SH2B1: variants seen among roughly 807,000 people sequenced by gnomAD.
SH2B1 encodes the protein SH2B adapter protein 1.
Under a neutral mutation model 62.6 loss-of-function variants are expected in SH2B1, and 15 were observed. That is an observed-to-expected ratio of 0.24 (90% confidence interval 0.16 to 0.37). SH2B1 has a LOEUF of 0.37. Among genes scored for constraint, SH2B1 ranks in the 10% least tolerant of loss-of-function variants. The pLI is 1.00. For missense variants in SH2B1, 925 were observed against 1,015.6 expected, an observed-to-expected ratio of 0.91 and a Z score of 1.21; for synonymous variants, 443 against 438.0, an observed-to-expected ratio of 1.01 and a Z score of -0.14.
At chr16:28,859,138 T>C (rs993333429), upstream of SH2B1, among the ~76,000 whole-genome samples, 2 of 151,922 alleles carry the variant, frequency 1.3e-5, no homozygotes, top group African/African-American at 4.8e-5. Flanking sequence ...GAGATGGGGT[T>C]TCACCATGTT....
chr16:28,873,489 C>CT lies in SH2B1; in HGVS notation c.1942dup (p.Ser648PhefsTer50), dbSNP rs1567472990. 1 of 1,583,202 alleles carries CT rather than the reference C, an allele frequency of 6.3e-7. No individual in the cohort carries two copies. ...GACCCACCCCAGCCCCCTGAACCCC[C>CT]TTCATGGACAGATCCCCCACAGCCT... On this transcript the variant is annotated frameshift_variant, in exon 8 of 8. Coordinates refer to ENST00000684370, the MANE Select transcript of SH2B1 (RefSeq NM_001387430.1). LOFTEE classifies it high-confidence loss of function. This position sits in a 1 kb window ranked among gnomAD's most constrained non-coding sequence, Gnocchi z 4.2.
chr16:28,852,907 TAC>T lies in SH2B1; in HGVS notation c.-301+6082_-301+6083del, dbSNP rs1219761157. ...ATATATTTACATATATTTTTATATA[TAC>T]ATGTACATATATATATTTTTATATA... On this transcript the variant is annotated intron_variant, in intron 1 of 10. Transcript: ENST00000322610. Among the ~76,000 whole-genome samples the T allele has an allele frequency of 1.4e-4, 9 of 63,840 alleles. No homozygotes were observed. In the East Asian group the frequency reaches 1.7e-3, roughly 12 times the overall value. 41.9% of individuals were successfully genotyped at this position (63,840 alleles called of 152,430 possible).
At chr16:28,852,066 C>CA (rs1169956598) in intron 1 of SH2B1, among the ~76,000 whole-genome samples, 1 of 128,720 alleles carries the variant, frequency 7.8e-6, no homozygotes, top group Non-Finnish European at 1.6e-5. Flanking sequence ...GACTCTGTCT[C>CA]AAAAAAAAGA....
Position 28,865,607 on chromosome 16 carries a change from GA to G in SH2B1, c.-485del, listed in dbSNP as rs1009823845. 1.3e-5 allele frequency: 13 copies of G among 986,714 alleles called. No homozygotes were observed. Among genetic ancestry groups the G allele is most frequent in the Non-Finnish European group, 1.6e-5 (13 of 830,980 alleles). 61.1% of individuals were successfully genotyped at this position (986,714 alleles called of 1,614,324 possible). On this transcript the variant is annotated 5_prime_UTR_variant, in exon 1 of 8. Coordinates refer to ENST00000684370, the MANE Select transcript of SH2B1 (RefSeq NM_001387430.1). ...TTCCTCATCTGTTCGAGAGGTCTTT[GA>G]AACCTCTCAGGGAAAGGTAAGATAA...
intron 2 of SH2B1, among the ~76,000 whole-genome samples, chr16:28,868,521 A>AT (rs1327468259): frequency 6.7e-6 from 1 of 148,748 alleles, no homozygotes; most frequent in African/African-American, 2.5e-5. Context: ...TTGAAGTGGC[A>AT]TGATCTTGGC....
At position 28,872,049 on chromosome 16, in the gene SH2B1, G is replaced by C. The variant is rs996713513; in HGVS notation, c.1513+66G>C. ...CCTACCTTCCTGACCACCTCTCCTG[G>C]GATCCCGAGGGAGCTGGCCCAGGGG... On this transcript the variant is annotated intron_variant, in intron 5 of 7. Transcript: ENST00000684370. The surrounding 1 kb of genome is among the most constrained non-coding windows in gnomAD (Gnocchi z 5.3). 7.5e-7 allele frequency: 1 copy of C among 1,336,914 alleles called. No homozygotes were observed. Among genetic ancestry groups the C allele is most frequent in the African/African-American group, 1.4e-5 (1 of 68,984 alleles). 82.8% of individuals were successfully genotyped at this position (1,336,914 alleles called of 1,614,324 possible). A position where few individuals can be genotyped will look rare whatever the true frequency, so the allele number is the denominator to read the frequency against.
At chr16:28,856,696 CCTTCACT>C (rs56403807) in intron 1 of SH2B1, among the ~76,000 whole-genome samples, 22,637 of 151,900 alleles carry the variant, frequency 0.15, 2,191 homozygotes, top group South Asian at 0.32. Flanking sequence ...TCAAGGGCAT[CCTTCACT>C]CTTCACTCTT....
Position 28,852,216 on chromosome 16 carries a change from A to T in SH2B1, c.-301+5389A>T, listed in dbSNP as rs74774603. ...TTTATTTATATATTTACATATATAT[A>T]TTTACATATATATTTACATATATAT... is the stretch of plus-strand genomic sequence containing the variant. On this transcript the variant is annotated intron_variant, in intron 1 of 10. Coordinates refer to the SH2B1 transcript ENST00000322610. 1.9e-3 allele frequency among the ~76,000 whole-genome samples: 132 copies of T among 71,346 alleles called. 17 individuals carry two copies. The highest frequency in any genetic ancestry group is 9.7e-3 in the African/African-American group (126 of 12,938). 46.8% of individuals were successfully genotyped at this position (71,346 alleles called of 152,430 possible). A position where few individuals can be genotyped will look rare whatever the true frequency, so the allele number is the denominator to read the frequency against.
intron 1 of SH2B1, 78 bp downstream of exon 1, chr16:28,867,111 C>T: frequency 6.3e-7 from 1 of 1,578,434 alleles, no homozygotes; most frequent in East Asian, 2.2e-5. Flanking sequence ...CAGATAAGCT[C>T]TGGGGTTTAC....
chr16:28,870,107 C>T (rs1348588833), intron 4 of SH2B1, among the ~76,000 whole-genome samples: 3 of 152,184 alleles, frequency 2.0e-5, no homozygotes, highest in Admixed American at 6.5e-5. Context: ...TGTCTGTGCA[C>T]CACACGCCTG....
chr16:28,868,114 C>G (rs1381214658), intron 2 of SH2B1, among the ~76,000 whole-genome samples: 1 of 152,180 alleles, frequency 6.6e-6, no homozygotes, highest in Non-Finnish European at 1.5e-5. Flanking sequence ...GCGTGAGCCA[C>G]TGTGCCTGGC....
At chr16:28,850,189 G>A (rs1962064514) in intron 1 of SH2B1, among the ~76,000 whole-genome samples, 1 of 152,148 alleles carries the variant, frequency 6.6e-6, no homozygotes, top group Admixed American at 6.6e-5. Context: ...GAATTGTGGG[G>A]CAAACTGGAG....
rs943233015 is a variant in SH2B1 at position 28,865,153 on chromosome 16, C to T, written c.-942C>T. 2 of 985,522 alleles carry T rather than the reference C, an allele frequency of 2.0e-6. No homozygotes were observed. The highest frequency in any genetic ancestry group is 3.5e-5 in the African/African-American group (2 of 57,246). 61.0% of individuals were successfully genotyped at this position (985,522 alleles called of 1,614,324 possible). A position where few individuals can be genotyped will look rare whatever the true frequency, so the allele number is the denominator to read the frequency against. On this transcript the variant is annotated 5_prime_UTR_variant, in exon 1 of 8. Transcript: ENST00000684370. ...TGAAAAATCCTAGGGCCCCAGCTCT[C>T]CCTGTGATGTTTTGTTTACGTGAGG...
intron 2 of SH2B1, among the ~76,000 whole-genome samples, chr16:28,868,651 T>A (rs1596626857): frequency 6.6e-6 from 1 of 152,182 alleles, no homozygotes; most frequent in East Asian, 1.9e-4. Context: ...AGAGACAGGG[T>A]TTCACCACAT....
At chr16:28,869,973 T>C (rs1052383542) in intron 4 of SH2B1, among the ~76,000 whole-genome samples, 3 of 152,224 alleles carry the variant, frequency 2.0e-5, no homozygotes, top group African/African-American at 7.2e-5. Flanking sequence ...ACATGAATCA[T>C]GGAATCTTAG....
chr16:28,854,001 C>CAAA (rs59760541), intron 1 of SH2B1, among the ~76,000 whole-genome samples: 7 of 45,998 alleles, frequency 1.5e-4, no homozygotes, highest in South Asian at 1.3e-3. Context: ...GACTAGGTCT[C>CAAA]AAAAAAAAAA....
Position 28,866,388 on chromosome 16 carries a change from T to C in SH2B1, c.294T>C (p.Gly98=). ...SPPILAPLSP[G]AEISPHDLSL... ...CCATCCTGGCTCCCCTGAGCCCTGGTGCGGAGATTTCGCCACATGACCTGT... is the reference window on the plus strand; with the variant it reads ...CCATCCTGGCTCCCCTGAGCCCTGGCGCGGAGATTTCGCCACATGACCTGT... Residue 98 remains glycine (G), a synonymous_variant, in exon 1 of 8, where the codon GGT becomes GGC. Transcript: ENST00000684370. The surrounding 1 kb of genome is among the most constrained non-coding windows in gnomAD (Gnocchi z 6.3). 1.2e-6 allele frequency: 2 copies of C among 1,613,644 alleles called. No individual in the cohort carries two copies. Among genetic ancestry groups the C allele is most frequent in the South Asian group, 2.2e-5 (2 of 91,080 alleles).
rs746979127 is a variant in SH2B1 at position 28,864,767 on chromosome 16, G to A, written c.-1328G>A. On this transcript the variant is annotated 5_prime_UTR_variant, in exon 1 of 8. Coordinates refer to ENST00000684370, the MANE Select transcript of SH2B1 (RefSeq NM_001387430.1). ...ACTTTCTAGTTGTAAGACCTTGAGA[G>A]GGCTCCTCCTTTCTCTAATTTCTAT... 8 of 549,786 alleles carry A rather than the reference G, an allele frequency of 1.5e-5. No homozygotes were observed. The highest frequency in any genetic ancestry group is 1.9e-5 in the Non-Finnish European group (8 of 432,328). The allele number at this position is 549,786 out of a possible 1,614,324, so 34.1% of individuals were successfully genotyped here.
intron 1 of SH2B1, among the ~76,000 whole-genome samples, chr16:28,850,815 C>T (rs1448996843): frequency 2.0e-5 from 3 of 146,864 alleles, no homozygotes; most frequent in East Asian, 2.0e-4. Context: ...GCCGAGAGTG[C>T]GCCACTGCAC....
Sources: gnomAD v4.1 joint callset for allele counts (sites outside exome capture counted in the v4.1 genomes callset) on GRCh38, gnomAD v4.1.1 for gene constraint, Gnocchi (gnomAD v3.1) non-coding constraint, MANE v1.5 for transcripts, NCBI Gene and HGNC (gene_info 2026-07-23, HGNC 2026-07-21) for gene names.